The following SORCS2 variants were observed in gnomAD, a reference collection of about 807,000 sequenced individuals.
SORCS2 encodes sortilin related VPS10 domain containing receptor 2, also known as VPS10 domain-containing receptor SorCS2.
A neutral mutation model predicts 141.6 loss-of-function variants in SORCS2; 100 were observed. The ratio of observed to expected loss-of-function variants is 0.71; its 90% CI spans 0.60 to 0.83. The LOEUF is 0.83. SORCS2 is among the 40% of genes least tolerant of loss of function. SORCS2 has a pLI of 0.00. For missense variants in SORCS2, 1,646 were observed against 1,560.2 expected (o/e 1.05, Z -0.93); for synonymous variants, 789 against 676.9 (o/e 1.17, Z -2.57).
chr4:7,554,739 G>A lies in SORCS2; in HGVS notation c.648+23110G>A, dbSNP rs1270141647. On this transcript the variant is annotated intron_variant, in intron 3 of 26. Transcript: ENST00000507866. The stretch of plus-strand genomic sequence containing the variant: ...ATTTGTAGAGCACAGCGGGAGCCCC[G>A]AGGAAGAACATCCCAAAGAGAAATG... 3.3e-5 allele frequency among the ~76,000 whole-genome samples: 5 copies of A among 152,310 alleles called. No homozygotes were observed. In the South Asian group the frequency reaches 8.3e-4, roughly 25 times the overall value.
At chr4:7,640,918 G>C (rs1404570228) in intron 4 of SORCS2, among the ~76,000 whole-genome samples, 1 of 152,078 alleles carries the variant, frequency 6.6e-6, no homozygotes, top group East Asian at 1.9e-4. Context: ...CCAATCAGAG[G>C]CTAGAGGAAA....
intron 1 of SORCS2, among the ~76,000 whole-genome samples, chr4:7,394,018 G>A (rs1054003400): frequency 3.3e-5 from 5 of 151,828 alleles, no homozygotes; most frequent in African/African-American, 1.2e-4. Context: ...TCCAGCACTG[G>A]CCCTTCCTGG....
intron 1 of SORCS2, among the ~76,000 whole-genome samples, chr4:7,220,355 G>A (rs1246632182): frequency 6.6e-6 from 1 of 152,116 alleles, no homozygotes; most frequent in Non-Finnish European, 1.5e-5. Flanking sequence ...TGCAACATGG[G>A]GTCTAGGGGC....
rs777597430 is a variant in SORCS2, at chr4:7,531,546, A to T, written c.565A>T (p.Thr189Ser). 1 of 1,613,760 alleles carries T rather than the reference A, an allele frequency of 6.2e-7. No individual in the cohort carries two copies. The highest frequency in any genetic ancestry group is 8.5e-7 in the Non-Finnish European group (1 of 1,179,808). ...SSLWRSSDFG[T>S]SYTKLTLQPG... ...TTCCCCCAGGTCATCAGATTTCGGG[A>T]CGTCCTACACCAAGCTCACCCTCCA... The change falls in exon 3 of 27, where the codon ACG becomes TCG. Residue 189 changes from threonine (T) to serine (S), a missense_variant. Coordinates refer to ENST00000507866, the MANE Select transcript of SORCS2 (RefSeq NM_020777.3).
chr4:7,413,390 G>GTTTTTT (rs1725450042), intron 2 of SORCS2, among the ~76,000 whole-genome samples: 1 of 48,932 alleles, frequency 2.0e-5, no homozygotes, highest in Non-Finnish European at 4.5e-5. Flanking sequence ...TTTCACAGCT[G>GTTTTTT]CTTTTTTTTT....
intron 1 of SORCS2, among the ~76,000 whole-genome samples, chr4:7,323,514 G>C (rs1719039763): frequency 6.6e-6 from 1 of 152,146 alleles, no homozygotes; most frequent in Admixed American, 6.5e-5. Flanking sequence ...CTCTGAGGGG[G>C]GTCAGAGCAC....
At chr4:7,700,717 C>T (rs1249182298) in intron 12 of SORCS2, among the ~76,000 whole-genome samples, 1 of 152,184 alleles carries the variant, frequency 6.6e-6, no homozygotes, top group Non-Finnish European at 1.5e-5. Flanking sequence ...CCCCCGGGGG[C>T]AGACAGGGCC....
chr4:7,734,564 G>A (rs1024386389), intron 25 of SORCS2, among the ~76,000 whole-genome samples, 190 bp downstream of exon 25: 1 of 152,134 alleles, frequency 6.6e-6, no homozygotes, highest in South Asian at 2.1e-4. Flanking sequence ...GGGGTCCCTG[G>A]AAGAGACGGC....
At chr4:7,258,645 C>T (rs1714087156) in intron 1 of SORCS2, among the ~76,000 whole-genome samples, 1 of 152,174 alleles carries the variant, frequency 6.6e-6, no homozygotes, top group South Asian at 2.1e-4. Flanking sequence ...GATTTATAAT[C>T]CTTTGGGTAT....
rs1722305563 is a variant in SORCS2 at position 7,663,384 on chromosome 4, C to T, written c.953-969C>T. 6.6e-6 allele frequency among the ~76,000 whole-genome samples: 1 copy of T among 152,188 alleles called. No homozygotes were observed. Among genetic ancestry groups the T allele is most frequent in the African/African-American group, 2.4e-5 (1 of 41,438 alleles). Reference sequence around the variant, plus strand: ...TCAGTAGACTGTTGACTGATCCTGCCCCTGAGCTAGTCATTTCACTGCATC... The same window carrying T: ...TCAGTAGACTGTTGACTGATCCTGCTCCTGAGCTAGTCATTTCACTGCATC... On this transcript the variant is annotated intron_variant, in intron 6 of 26. Coordinates refer to ENST00000507866, the MANE Select transcript of SORCS2 (RefSeq NM_020777.3). This position sits in a 1 kb window ranked among gnomAD's most constrained non-coding sequence, Gnocchi z 4.8.
intron 3 of SORCS2, among the ~76,000 whole-genome samples, chr4:7,560,022 A>G (rs1714421656): frequency 6.6e-6 from 1 of 152,216 alleles, no homozygotes; most frequent in Non-Finnish European, 1.5e-5. Context: ...CCGCTGAATT[A>G]AAGGCGGGGA....
intron 19 of SORCS2, among the ~76,000 whole-genome samples, chr4:7,724,862 G>GTGGAGGTGA (rs1727052570): frequency 1.0e-4 from 2 of 19,842 alleles, no homozygotes; most frequent in Non-Finnish European, 1.1e-4. Flanking sequence ...AGTGGTGATG[G>GTGGAGGTGA]TGGTGGTAGT....
At chr4:7,247,079 A>G (rs1378069681) in intron 1 of SORCS2, among the ~76,000 whole-genome samples, 1 of 152,130 alleles carries the variant, frequency 6.6e-6, no homozygotes, top group African/African-American at 2.4e-5. Context: ...ATGTTTGGTG[A>G]GGGGAGCAGT....
chr4:7,466,723 G>T (rs1236352995), intron 2 of SORCS2, among the ~76,000 whole-genome samples: 1 of 152,194 alleles, frequency 6.6e-6, no homozygotes, highest in Non-Finnish European at 1.5e-5. Flanking sequence ...ACTACATACA[G>T]GGTGTGGAAG....
intron 1 of SORCS2, among the ~76,000 whole-genome samples, chr4:7,340,936 T>C (rs1224299180): frequency 6.6e-6 from 1 of 152,226 alleles, no homozygotes; most frequent in African/African-American, 2.4e-5. Context: ...AGCCCCATCA[T>C]TGGCCAGGCT....
At chr4:7,437,147 C>A (rs1376093267) in intron 2 of SORCS2, among the ~76,000 whole-genome samples, 2 of 152,210 alleles carry the variant, frequency 1.3e-5, no homozygotes, top group Non-Finnish European at 2.9e-5. Flanking sequence ...TCAGCCCCCA[C>A]TGTAGATGCT....
intron 9 of SORCS2, among the ~76,000 whole-genome samples, chr4:7,678,976 G>A (rs988593941): frequency 3.9e-5 from 6 of 152,158 alleles, no homozygotes; most frequent in African/African-American, 1.4e-4. Flanking sequence ...GCAGAGCAGC[G>A]CCTGTTTCCA....
intron 1 of SORCS2, among the ~76,000 whole-genome samples, chr4:7,273,825 G>A (rs1715297810): frequency 6.6e-6 from 1 of 152,202 alleles, no homozygotes; most frequent in African/African-American, 2.4e-5. Flanking sequence ...GAGCTTGGAG[G>A]CCATGCCTCC....
At chr4:7,537,424 G>A (rs1289370131) in intron 3 of SORCS2, among the ~76,000 whole-genome samples, 1 of 152,196 alleles carries the variant, frequency 6.6e-6, no homozygotes, top group Non-Finnish European at 1.5e-5. Flanking sequence ...CAGCTTGAAC[G>A]GGGTCTCTAA....
Sources: gnomAD v4.1 joint callset for allele counts (sites outside exome capture counted in the v4.1 genomes callset) on GRCh38, gnomAD v4.1.1 for gene constraint, Gnocchi (gnomAD v3.1) non-coding constraint, MANE v1.5 for transcripts, NCBI Gene and HGNC (gene_info 2026-07-23, HGNC 2026-07-21) for gene names.